CSMD1: variants seen among roughly 807,000 people sequenced by gnomAD.
The protein encoded by CSMD1 is CUB and Sushi multiple domains 1.
Under a neutral mutation model 417.5 loss-of-function variants are expected in CSMD1, and 213 were observed. The ratio of observed to expected loss-of-function variants is 0.51; its 90% CI spans 0.46 to 0.57. CSMD1 has a LOEUF of 0.57. Ranked by LOEUF, CSMD1 falls within the 20% of genes least tolerant of loss-of-function variation. CSMD1 has a pLI of 0.00. For synonymous variants in CSMD1, 2,862 were observed against 1,736.8 expected (o/e 1.65, Z -16.11); for missense variants, 6,923 against 4,529.7 (o/e 1.53, Z -15.17).
intron 23 of CSMD1, among the ~76,000 whole-genome samples, chr8:3,335,797 C>G (rs942535169): frequency 1.3e-5 from 2 of 152,160 alleles, no homozygotes; most frequent in Admixed American, 6.5e-5. Flanking sequence ...ATTCTCACAA[C>G]AAATCTGCAC....
chr8:4,815,765 T>C (rs965005024), intron 1 of CSMD1, among the ~76,000 whole-genome samples: 1 of 143,772 alleles, frequency 7.0e-6, no homozygotes, highest in African/African-American at 2.6e-5. Context: ...GTTTATATAA[T>C]AAACACATTT....
intron 7 of CSMD1, among the ~76,000 whole-genome samples, chr8:3,632,494 A>AC (rs996477124): frequency 4.7e-4 from 72 of 152,244 alleles, no homozygotes; most frequent in African/African-American, 1.6e-3. Flanking sequence ...TCATGATAAA[A>AC]CCTTAGATTG....
intron 5 of CSMD1, among the ~76,000 whole-genome samples, chr8:3,959,798 G>C (rs1214400637): frequency 1.3e-5 from 2 of 152,130 alleles, no homozygotes; most frequent in African/African-American, 4.8e-5. Flanking sequence ...CAGGTACTCT[G>C]ACCTGTTAGC....
chr8:3,841,113 A>C (rs542845642), intron 5 of CSMD1, among the ~76,000 whole-genome samples: 1 of 152,210 alleles, frequency 6.6e-6, no homozygotes, highest in South Asian at 2.1e-4. Context: ...CTTTTCCAGG[A>C]AGCCTGGCAC....
At chr8:4,574,504 T>C (rs534845305) in intron 2 of CSMD1, among the ~76,000 whole-genome samples, 3 of 152,274 alleles carry the variant, frequency 2.0e-5, no homozygotes, top group East Asian at 1.9e-4. Context: ...CAGAGGGAAA[T>C]GCAGAAATCA....
At chr8:3,643,071 C>T (rs970074212) in intron 7 of CSMD1, among the ~76,000 whole-genome samples, 1 of 151,676 alleles carries the variant, frequency 6.6e-6, no homozygotes, top group African/African-American at 2.4e-5. Context: ...GTCGACGGCA[C>T]GGGAGAGGGA....
chr8:4,121,925 C>T (rs1802508868), intron 3 of CSMD1, among the ~76,000 whole-genome samples: 1 of 151,794 alleles, frequency 6.6e-6, no homozygotes, highest in African/African-American at 2.4e-5. Context: ...CATCACACTC[C>T]CTGATTTTAT....
chr8:4,953,771 C>T (rs945382185), intron 1 of CSMD1, among the ~76,000 whole-genome samples: 4 of 152,130 alleles, frequency 2.6e-5, no homozygotes, highest in African/African-American at 9.7e-5. Flanking sequence ...AAGGCTAATT[C>T]TCTCTGTCTT....
intron 3 of CSMD1, among the ~76,000 whole-genome samples, chr8:4,344,469 G>T (rs937472444): frequency 6.6e-6 from 1 of 151,804 alleles, no homozygotes; most frequent in Non-Finnish European, 1.5e-5. Context: ...TTTTACAAAT[G>T]TCTACCTCTA....
Position 3,545,610 on chromosome 8 carries a change from C to T in CSMD1, c.1344+29335G>A, listed in dbSNP as rs146038274. Among the ~76,000 whole-genome samples the T allele has an allele frequency of 2.5e-3, 385 of 152,284 alleles. 2 individuals carry two copies. The highest frequency in any genetic ancestry group is 8.9e-3 in the African/African-American group (368 of 41,548). ...GCTACTTATCATGGGCTCTCCACTGCCGTAACCCAAGTTGAGCAATTCAGG... is the reference window on the plus strand; with the variant it reads ...GCTACTTATCATGGGCTCTCCACTGTCGTAACCCAAGTTGAGCAATTCAGG... On this transcript the variant is annotated intron_variant, in intron 10 of 69. Transcript: ENST00000635120.
At position 2,982,816 on chromosome 8, in the gene CSMD1, C is replaced by T. The variant is rs554895586; in HGVS notation, c.8378-4016G>A. Among the ~76,000 whole-genome samples, 188 of 152,274 alleles carry T rather than the reference C, an allele frequency of 1.2e-3. 1 individual carries two copies. Among genetic ancestry groups the T allele is most frequent in the Non-Finnish European group, 2.1e-3 (144 of 68,028 alleles). Reference sequence around the variant, plus strand: ...GAAAAACTCCCTAATGACAGAGAAACGTGATAATTCCCATCCCAGGTTCCT... The same window carrying T: ...GAAAAACTCCCTAATGACAGAGAAATGTGATAATTCCCATCCCAGGTTCCT... On this transcript the variant is annotated intron_variant, in intron 54 of 69. Coordinates refer to ENST00000635120, the MANE Select transcript of CSMD1 (RefSeq NM_033225.6).
At chr8:3,776,136 A>T (rs961319243) in intron 5 of CSMD1, among the ~76,000 whole-genome samples, 1 of 151,354 alleles carries the variant, frequency 6.6e-6, no homozygotes, top group African/African-American at 2.4e-5. Flanking sequence ...ACCTGCACAC[A>T]CTCTGCTCAT....
chr8:4,523,860 C>T (rs1261390717), intron 2 of CSMD1, among the ~76,000 whole-genome samples: 1 of 152,152 alleles, frequency 6.6e-6, no homozygotes, highest in Non-Finnish European at 1.5e-5. Flanking sequence ...TCTTGACCTC[C>T]AACTCCTTTC....
chr8:4,018,103 G>A lies in CSMD1; in HGVS notation c.610+13802C>T, dbSNP rs75033487. On this transcript the variant is annotated intron_variant, in intron 4 of 69. Coordinates refer to ENST00000635120, the MANE Select transcript of CSMD1 (RefSeq NM_033225.6). ...AGCTGGTTATTATAGCCTATTGTATGGCATAAAGTATCCTACAAAGTGTTT... is the reference window on the plus strand; with the variant it reads ...AGCTGGTTATTATAGCCTATTGTATAGCATAAAGTATCCTACAAAGTGTTT... Among the ~76,000 whole-genome samples, 1,057 of 152,172 alleles carry A rather than the reference G, an allele frequency of 6.9e-3. 58 individuals carry two copies. The East Asian group carries it at 0.14, about 20-fold the overall frequency.
At position 4,142,745 on chromosome 8, in the gene CSMD1, T is replaced by G. The variant is rs17069130; in HGVS notation, c.416-110646A>C. 2.0e-5 allele frequency among the ~76,000 whole-genome samples: 3 copies of G among 150,668 alleles called. 1 individual carries two copies. Among genetic ancestry groups the G allele is most frequent in the South Asian group, 2.1e-4 (1 of 4,818 alleles). Reference sequence around the variant, plus strand: ...AGACCTGACACAACGTGAGATTACATTGAACTTGCCAATCACTTCATTAGT... The same window carrying G: ...AGACCTGACACAACGTGAGATTACAGTGAACTTGCCAATCACTTCATTAGT... On this transcript the variant is annotated intron_variant, in intron 3 of 69. Coordinates refer to ENST00000635120, the MANE Select transcript of CSMD1 (RefSeq NM_033225.6).
intron 1 of CSMD1, among the ~76,000 whole-genome samples, chr8:4,979,898 C>A (rs889814579): frequency 6.7e-5 from 10 of 149,786 alleles, no homozygotes; most frequent in Non-Finnish European, 1.2e-4. Flanking sequence ...ATTAGCCAGG[C>A]GTGAAGGTGG....
chr8:3,091,407 T>C (rs1441545665), intron 48 of CSMD1, 109 bp downstream of exon 48: 6 of 738,684 alleles, frequency 8.1e-6, no homozygotes, highest in Non-Finnish European at 1.2e-5. Context: ...TAATTATTAA[T>C]CTTTAAGAAT....
chr8:3,992,420 C>CA lies in CSMD1; in HGVS notation c.818+5482dup, dbSNP rs980642812. Among the ~76,000 whole-genome samples, 96 of 151,782 alleles carry CA rather than the reference C, an allele frequency of 6.3e-4. 1 individual carries two copies. In the Middle Eastern group the frequency reaches 0.017, roughly 27 times the overall value. Reference sequence around the variant, plus strand: ...AATCAGTGATTGGCTGAAGTTAAAACAAAAATAAGTGTTGAGGTGCATAGC... The same window carrying CA: ...AATCAGTGATTGGCTGAAGTTAAAACAAAAAATAAGTGTTGAGGTGCATAGC... On this transcript the variant is annotated intron_variant, in intron 5 of 69. Coordinates refer to ENST00000635120, the MANE Select transcript of CSMD1 (RefSeq NM_033225.6).
At chr8:4,025,607 C>G (rs1049589350) in intron 4 of CSMD1, among the ~76,000 whole-genome samples, 1 of 152,078 alleles carries the variant, frequency 6.6e-6, no homozygotes, top group Non-Finnish European at 1.5e-5. Context: ...CTTTTTAAGA[C>G]TGGCAGAACA....
Sources: allele counts gnomAD v4.1 joint callset (sites outside exome capture counted in the v4.1 genomes callset), GRCh38; gene constraint gnomAD v4.1.1; transcripts MANE v1.5; gene names NCBI Gene and HGNC (gene_info 2026-07-23, HGNC 2026-07-21).